Variants in FMN1 observed in about 807,000 individuals in gnomAD.
The protein encoded by FMN1 is formin 1, also known as formin-1.
Under a neutral mutation model 132.4 loss-of-function variants are expected in FMN1, and 110 were observed. The ratio of observed to expected loss-of-function variants is 0.83; its 90% CI spans 0.71 to 0.97. The LOEUF is 0.97. Ranked by LOEUF, FMN1 falls within the 50% of genes least tolerant of loss-of-function variation. The pLI is 0.00. For synonymous variants in FMN1, 722 were observed against 651.7 expected (o/e 1.11, Z -1.64); for missense variants, 1,792 against 1,705.3 (o/e 1.05, Z -0.90).
chr15:33,064,765 T>A, intron 6 of FMN1, 192 bp downstream of exon 6: 1 of 424,026 alleles, frequency 2.4e-6, no homozygotes, highest in Non-Finnish European at 4.2e-6. Context: ...TGCATTCATC[T>A]TTCATCTTTC....
intron 3 of FMN1, among the ~76,000 whole-genome samples, chr15:33,163,380 T>C (rs1156804694): frequency 1.3e-5 from 2 of 151,126 alleles, no homozygotes; most frequent in Non-Finnish European, 2.9e-5. Context: ...CCGCAACCTC[T>C]GCCTTCTGGA....
chr15:33,004,713 A>T (rs2034315231), intron 7 of FMN1, among the ~76,000 whole-genome samples: 1 of 152,234 alleles, frequency 6.6e-6, no homozygotes, highest in Admixed American at 6.5e-5. Flanking sequence ...ATTATAAATC[A>T]TGCTGCTATA....
chr15:32,996,101 T>C (rs2033754134), intron 7 of FMN1, among the ~76,000 whole-genome samples: 2 of 152,346 alleles, frequency 1.3e-5, no homozygotes, highest in Admixed American at 6.5e-5. Flanking sequence ...TTATGATAGA[T>C]AGGTCATCTA....
chr15:33,046,236 C>T (rs2141146261), intron 6 of FMN1, among the ~76,000 whole-genome samples: 1 of 152,214 alleles, frequency 6.6e-6, no homozygotes, highest in East Asian at 1.9e-4. Flanking sequence ...TTCCAGCTTA[C>T]ACATTAGGCC....
At chr15:32,842,757 A>C (rs1454234009) in intron 17 of FMN1, among the ~76,000 whole-genome samples, 8 of 149,154 alleles carry the variant, frequency 5.4e-5, no homozygotes, top group Admixed American at 2.0e-4. Context: ...TGGTATTACT[A>C]CCTCTGTCTT....
intron 11 of FMN1, among the ~76,000 whole-genome samples, chr15:32,910,265 G>T: frequency 6.6e-6 from 1 of 152,176 alleles, no homozygotes; most frequent in Non-Finnish European, 1.5e-5. Flanking sequence ...TTGCAAGTGT[G>T]CAATGAGATC....
chr15:32,865,231 T>C (rs2059365454), intron 16 of FMN1, among the ~76,000 whole-genome samples: 1 of 152,208 alleles, frequency 6.6e-6, no homozygotes, highest in African/African-American at 2.4e-5. Flanking sequence ...CCAAAAGTCA[T>C]CAGATTGTAC....
chr15:32,886,805 T>A (rs2059907794), intron 16 of FMN1, among the ~76,000 whole-genome samples: 1 of 152,128 alleles, frequency 6.6e-6, no homozygotes, highest in Non-Finnish European at 1.5e-5. Context: ...ATTCTACCAG[T>A]GGAGAGGGAC....
intron 6 of FMN1, among the ~76,000 whole-genome samples, chr15:33,040,545 A>G (rs1468015625): frequency 1.3e-5 from 2 of 152,264 alleles, no homozygotes; most frequent in Non-Finnish European, 2.9e-5. Flanking sequence ...GGAATTAATA[A>G]CAGCACCAAT....
chr15:32,804,817 G>A (rs1327241068), intron 17 of FMN1, among the ~76,000 whole-genome samples: 3 of 152,042 alleles, frequency 2.0e-5, no homozygotes, highest in Non-Finnish European at 2.9e-5. Context: ...GGCTTCATCC[G>A]TGTCCCTGCA....
intron 17 of FMN1, among the ~76,000 whole-genome samples, chr15:32,848,631 C>A (rs1490557294): frequency 6.6e-6 from 1 of 152,026 alleles, no homozygotes; most frequent in Non-Finnish European, 1.5e-5. Flanking sequence ...GGCTAAGGGA[C>A]CCCAGTTGGT....
At chr15:33,151,997 T>G (rs1964457654) in intron 4 of FMN1, among the ~76,000 whole-genome samples, 1 of 152,226 alleles carries the variant, frequency 6.6e-6, no homozygotes, top group African/African-American at 2.4e-5. Flanking sequence ...GCTTTGAAGC[T>G]CCTCTTCCCT....
At chr15:32,804,003 A>G (rs548716686) in intron 18 of FMN1, among the ~76,000 whole-genome samples, 59 of 152,286 alleles carry the variant, frequency 3.9e-4, no homozygotes, top group Non-Finnish European at 7.5e-4. Context: ...ATGCTACAGG[A>G]AAGAAGTCAG....
At chr15:33,030,919 C>T (rs549866718) in intron 6 of FMN1, among the ~76,000 whole-genome samples, 22 of 152,228 alleles carry the variant, frequency 1.4e-4, no homozygotes, top group African/African-American at 5.1e-4. Context: ...GTTTGCTGCA[C>T]CCATGAACCG....
intron 3 of FMN1, among the ~76,000 whole-genome samples, chr15:33,163,035 T>C (rs959711545): frequency 6.6e-6 from 1 of 151,980 alleles, no homozygotes; most frequent in African/African-American, 2.4e-5. Context: ...GGTGGGAGAA[T>C]CGCTTGAACC....
chr15:33,066,658 G>T (rs776121452), intron 5 of FMN1: 1 of 1,613,806 alleles, frequency 6.2e-7, no homozygotes, highest in South Asian at 1.1e-5. Flanking sequence ...GGGGCCGGAT[G>T]AATAGGGCTT....
intron 6 of FMN1, among the ~76,000 whole-genome samples, chr15:33,062,514 C>T (rs1431352916): frequency 1.4e-4 from 22 of 151,940 alleles, no homozygotes; most frequent in Admixed American, 1.3e-3. Context: ...CCCAGCTACT[C>T]GGGAGGCTGA....
At chr15:33,001,785 G>C (rs59501768) in intron 7 of FMN1, among the ~76,000 whole-genome samples, 11 of 147,322 alleles carry the variant, frequency 7.5e-5, no homozygotes, top group Non-Finnish European at 1.5e-4. Context: ...GGTGGTGCGC[G>C]CATGCAGCAT....
intron 2 of FMN1, among the ~76,000 whole-genome samples, chr15:33,193,279 G>T (rs1417568276): frequency 6.6e-6 from 1 of 152,082 alleles, no homozygotes; most frequent in East Asian, 1.9e-4. Context: ...CCCAAAAAAG[G>T]GTTAATAAGT....
Sources: allele counts gnomAD v4.1 joint callset (sites outside exome capture counted in the v4.1 genomes callset), GRCh38; gene constraint gnomAD v4.1.1; transcripts MANE v1.5; gene names NCBI Gene and HGNC (gene_info 2026-07-23, HGNC 2026-07-21).